Variants in LRFN5 observed in about 807,000 individuals in gnomAD.
LRFN5 encodes leucine-rich repeat and fibronectin type-III domain-containing protein 5.
In LRFN5, 24 loss-of-function variants were observed where a neutral mutation model predicts 45.6. The observed-to-expected ratio is 0.53, with a 90% CI of 0.38 to 0.74. The LOEUF (loss-of-function observed/expected upper bound fraction) is 0.74. Ranked by LOEUF, LRFN5 falls within the 30% of genes least tolerant of loss-of-function variation. The pLI, the probability that LRFN5 is intolerant of heterozygous loss-of-function variation, is 0.00. For synonymous variants in LRFN5, 340 were observed against 313.8 expected (o/e 1.08, Z -0.88); for missense variants, 776 against 861.5 (o/e 0.90, Z 1.24).
At chr14:41,689,280 C>G (rs924409632) in intron 1 of LRFN5, among the ~76,000 whole-genome samples, 33 of 151,950 alleles carry the variant, frequency 2.2e-4, no homozygotes, top group Admixed American at 1.0e-3. Context: ...AAATAGAAAA[C>G]AGAAAAACGA....
At chr14:41,846,156 A>C (rs1036211390) in intron 2 of LRFN5, among the ~76,000 whole-genome samples, 1 of 151,986 alleles carries the variant, frequency 6.6e-6, no homozygotes, top group Non-Finnish European at 1.5e-5. Flanking sequence ...CTCAGTTGGT[A>C]CAACAGTATT....
chr14:41,816,446 A>G (rs1236000349), intron 2 of LRFN5, among the ~76,000 whole-genome samples: 2 of 151,584 alleles, frequency 1.3e-5, no homozygotes, highest in African/African-American at 4.8e-5. Flanking sequence ...TATTTTTAAC[A>G]TTTCTTTTAT....
chr14:41,876,963 T>C (rs1352669097), intron 2 of LRFN5, among the ~76,000 whole-genome samples: 2 of 152,136 alleles, frequency 1.3e-5, no homozygotes, highest in Non-Finnish European at 2.9e-5. Context: ...GTAAATGACA[T>C]GATGAATGTA....
At chr14:41,877,461 T>C (rs1890223963) in intron 2 of LRFN5, among the ~76,000 whole-genome samples, 2 of 152,166 alleles carry the variant, frequency 1.3e-5, no homozygotes, top group South Asian at 2.1e-4. Flanking sequence ...TTTCCTCATC[T>C]ATAAAATAAA....
intron 2 of LRFN5, among the ~76,000 whole-genome samples, chr14:41,777,574 T>C (rs1886335315): frequency 6.6e-6 from 1 of 151,890 alleles, no homozygotes; most frequent in Admixed American, 6.6e-5. Context: ...TTTGTAGTTA[T>C]AATATCTATG....
chr14:41,844,242 C>T (rs556452769), intron 2 of LRFN5, among the ~76,000 whole-genome samples: 336 of 152,142 alleles, frequency 2.2e-3, no homozygotes, highest in African/African-American at 7.7e-3. Flanking sequence ...TCGAGACCAT[C>T]CTGGCTAACA....
chr14:41,874,186 G>A (rs907682606), intron 2 of LRFN5, among the ~76,000 whole-genome samples: 4 of 152,152 alleles, frequency 2.6e-5, no homozygotes, highest in African/African-American at 9.7e-5. Context: ...AATGTTCAAT[G>A]TGTGAGTCTT....
chr14:41,855,937 A>G (rs923838897), intron 2 of LRFN5, among the ~76,000 whole-genome samples: 14 of 152,196 alleles, frequency 9.2e-5, no homozygotes, highest in Non-Finnish European at 1.6e-4. Context: ...TACAACTTAG[A>G]GAATCATCAA....
chr14:41,849,541 T>G, intron 2 of LRFN5, among the ~76,000 whole-genome samples: 1 of 152,008 alleles, frequency 6.6e-6, no homozygotes. Context: ...GCTCACCTGC[T>G]TCTTCACACC....
intron 4 of LRFN5, chr14:41,892,498 C>A: frequency 2.0e-6 from 2 of 977,020 alleles, no homozygotes; most frequent in Non-Finnish European, 2.4e-6. Context: ...AATGATATTT[C>A]TCTAATTTTA....
At chr14:41,692,060 G>A (rs1882401538) in intron 1 of LRFN5, among the ~76,000 whole-genome samples, 1 of 152,100 alleles carries the variant, frequency 6.6e-6, no homozygotes, top group African/African-American at 2.4e-5. Flanking sequence ...ATCTTTAGAT[G>A]TATATATGTT....
At position 41,856,675 on chromosome 14, in the gene LRFN5, A is replaced by ATTATTTTTTTTTTTTTTT; in HGVS notation, c.-20-29929_-20-29928insATTTTTTTTTTTTTTTTT. 6.3e-3 allele frequency among the ~76,000 whole-genome samples: 115 copies of ATTATTTTTTTTTTTTTTT among 18,336 alleles called. 10 individuals carry two copies. Among genetic ancestry groups the ATTATTTTTTTTTTTTTTT allele is most frequent in the Admixed American group, 0.013 (11 of 824 alleles). The allele number at this position is 18,336 out of a possible 152,430, so 12.0% of individuals were successfully genotyped here. On this transcript the variant is annotated intron_variant, in intron 2 of 5. Transcript: ENST00000298119. ...TTCTTTCCTAATTATTATTATTATT[A>ATTATTTTTTTTTTTTTTT]TTTTTTTTTTTTTTTTTTTGAGACG...
At chr14:41,805,201 C>G (rs1269063250) in intron 2 of LRFN5, among the ~76,000 whole-genome samples, 2 of 151,126 alleles carry the variant, frequency 1.3e-5, no homozygotes. Flanking sequence ...CAGCAAATGT[C>G]TGAACATTTT....
chr14:41,792,108 A>T (rs1010955652), intron 2 of LRFN5, among the ~76,000 whole-genome samples: 1 of 152,072 alleles, frequency 6.6e-6, no homozygotes, highest in Non-Finnish European at 1.5e-5. Context: ...GCCGGGGGTG[A>T]CATCACATAT....
chr14:41,702,033 A>T (rs987787394), intron 1 of LRFN5, among the ~76,000 whole-genome samples: 2 of 152,112 alleles, frequency 1.3e-5, no homozygotes, highest in African/African-American at 4.8e-5. Flanking sequence ...GCAATATTAG[A>T]AATAGGAGAC....
chr14:41,866,025 T>C (rs1022576910), intron 2 of LRFN5, among the ~76,000 whole-genome samples: 2 of 152,166 alleles, frequency 1.3e-5, no homozygotes, highest in African/African-American at 4.8e-5. Context: ...ATTTTCTTTA[T>C]GGAATCATTT....
chr14:41,689,850 G>A (rs1016795462), intron 1 of LRFN5, among the ~76,000 whole-genome samples: 1 of 137,516 alleles, frequency 7.3e-6, no homozygotes, highest in African/African-American at 2.8e-5. Flanking sequence ...AGCCGAGATT[G>A]CGCCACTGCA....
intron 2 of LRFN5, among the ~76,000 whole-genome samples, chr14:41,805,932 A>G (rs1273892251): frequency 2.6e-5 from 4 of 152,220 alleles, no homozygotes; most frequent in South Asian, 4.1e-4. Flanking sequence ...CGACTGAGGC[A>G]TAAGTTTTCA....
chr14:41,726,916 A>G (rs1008747178), intron 1 of LRFN5, among the ~76,000 whole-genome samples: 2 of 152,212 alleles, frequency 1.3e-5, no homozygotes, highest in Admixed American at 6.5e-5. Flanking sequence ...ATATATTAAC[A>G]TTTTATGTAA....
Sources: allele counts gnomAD v4.1 joint callset (sites outside exome capture counted in the v4.1 genomes callset), GRCh38; gene constraint gnomAD v4.1.1; transcripts MANE v1.5; gene names NCBI Gene and HGNC (gene_info 2026-07-23, HGNC 2026-07-21).